The following SMIM3 variants were observed in gnomAD, a reference collection of about 807,000 sequenced individuals.
The protein encoded by SMIM3 is NGF-induced differentiation clone 67 protein.
A neutral mutation model predicts 2.1 loss-of-function variants in SMIM3; 4 were observed. The observed-to-expected ratio is 1.89, with a 90% CI of 0.93 to 4.31. The LOEUF (loss-of-function observed/expected upper bound fraction) is 4.31. Among genes scored for constraint, SMIM3 ranks in the 30% most tolerant of loss-of-function variants. SMIM3 has a pLI of 0.01. For missense variants in SMIM3, 79 were observed against 77.7 expected (o/e 1.02, Z -0.06); for synonymous variants, 29 against 30.8 (o/e 0.94, Z 0.19).
intron 1 of SMIM3, among the ~76,000 whole-genome samples, chr5:150,792,883 G>C (rs1021399009): frequency 6.6e-6 from 1 of 152,100 alleles, no homozygotes; most frequent in African/African-American, 2.4e-5. Context: ...GGCAAGTACT[G>C]GGCAAAAATT....
At chr5:150,783,413 G>A (rs937912759) in intron 1 of SMIM3, among the ~76,000 whole-genome samples, 5 of 152,220 alleles carry the variant, frequency 3.3e-5, no homozygotes, top group African/African-American at 1.2e-4. Flanking sequence ...CATCAGCCTT[G>A]TTCACATTCT....
At chr5:150,793,270 C>T (rs1046943521) in intron 1 of SMIM3, among the ~76,000 whole-genome samples, 3 of 152,078 alleles carry the variant, frequency 2.0e-5, no homozygotes, top group Admixed American at 1.3e-4. Flanking sequence ...AAATTCAACG[C>T]AATCCCCATC....
At chr5:150,787,920 C>G (rs1244041346) in intron 1 of SMIM3, among the ~76,000 whole-genome samples, 1 of 152,058 alleles carries the variant, frequency 6.6e-6, no homozygotes, top group African/African-American at 2.4e-5. Context: ...GAGAGAGTAT[C>G]TTGCAAATAC....
At chr5:150,787,384 C>A (rs953223351) in intron 1 of SMIM3, among the ~76,000 whole-genome samples, 2 of 152,186 alleles carry the variant, frequency 1.3e-5, no homozygotes, top group African/African-American at 4.8e-5. Flanking sequence ...TTACCAGAAT[C>A]GGAAGTCCTG....
chr5:150,784,058 A>C (rs1191687813), intron 1 of SMIM3, among the ~76,000 whole-genome samples: 1 of 151,696 alleles, frequency 6.6e-6, no homozygotes. Context: ...AGCTGGGACT[A>C]CAGGTGTGCA....
intron 1 of SMIM3, among the ~76,000 whole-genome samples, chr5:150,785,369 G>A (rs1478955849): frequency 6.6e-6 from 1 of 151,878 alleles, no homozygotes; most frequent in Admixed American, 6.6e-5. Flanking sequence ...TTACAGGTGT[G>A]AGCCACCGCA....
chr5:150,792,969 G>T (rs1440451325), intron 1 of SMIM3, among the ~76,000 whole-genome samples: 1 of 151,948 alleles, frequency 6.6e-6, no homozygotes. Flanking sequence ...TGTCCAGCAG[G>T]TGCATATATT....
At chr5:150,795,312 C>T (rs1466577889) in intron 1 of SMIM3, 118 bp from the exon 2 acceptor site, 1 of 1,040,528 alleles carries the variant, frequency 9.6e-7, no homozygotes, top group African/African-American at 1.6e-5. Flanking sequence ...AATCAGGGAA[C>T]CTTAAAGTTT....
chr5:150,784,511 C>T (rs1753270346), intron 1 of SMIM3, among the ~76,000 whole-genome samples: 1 of 152,154 alleles, frequency 6.6e-6, no homozygotes, highest in African/African-American at 2.4e-5. Flanking sequence ...TTGTCTATTT[C>T]TCCTTATAAT....
intron 1 of SMIM3, among the ~76,000 whole-genome samples, chr5:150,788,492 A>G (rs1314893018): frequency 6.6e-6 from 1 of 151,962 alleles, no homozygotes. Flanking sequence ...AAAATTAGCC[A>G]GGTGTGGTGG....
chr5:150,781,252 T>C (rs904642643), intron 1 of SMIM3, among the ~76,000 whole-genome samples: 3 of 152,216 alleles, frequency 2.0e-5, no homozygotes, highest in Non-Finnish European at 4.4e-5. Context: ...TGTCACTTAC[T>C]TTCAGGGTGA....
chr5:150,780,326 C>T (rs1753218671), intron 1 of SMIM3, among the ~76,000 whole-genome samples: 1 of 152,118 alleles, frequency 6.6e-6, no homozygotes, highest in Admixed American at 6.5e-5. Context: ...GCACAGCAGC[C>T]ATCTAGACAC....
intron 1 of SMIM3, among the ~76,000 whole-genome samples, chr5:150,779,829 A>ACC (rs5872180): frequency 1.4e-3 from 152 of 110,998 alleles, no homozygotes; most frequent in African/African-American, 1.6e-3. Flanking sequence ...GAAAGGTGTA[A>ACC]CCCCCCCCGC....
intron 1 of SMIM3, among the ~76,000 whole-genome samples, chr5:150,794,562 C>G (rs530712705): frequency 1.3e-5 from 2 of 152,312 alleles, no homozygotes; most frequent in South Asian, 4.1e-4. Context: ...TGATGTAACT[C>G]AGGAATGGAA....
chr5:150,793,463 T>G (rs1314739254), intron 1 of SMIM3, among the ~76,000 whole-genome samples: 2 of 152,068 alleles, frequency 1.3e-5, no homozygotes, highest in Non-Finnish European at 2.9e-5. Context: ...GGTACTGGTA[T>G]AAAAATAGGC....
intron 1 of SMIM3, among the ~76,000 whole-genome samples, chr5:150,794,349 C>T (rs780078129): frequency 4.6e-5 from 7 of 151,912 alleles, no homozygotes; most frequent in Non-Finnish European, 7.4e-5. Flanking sequence ...AGTCATTATT[C>T]GAAAAAATAC....
intron 1 of SMIM3, among the ~76,000 whole-genome samples, chr5:150,793,862 A>G (rs1753375062): frequency 6.6e-6 from 1 of 152,244 alleles, no homozygotes; most frequent in African/African-American, 2.4e-5. Context: ...GGCAAAAGGA[A>G]CAGTCGGCAG....
At chr5:150,794,779 C>G (rs536532218) in intron 1 of SMIM3, among the ~76,000 whole-genome samples, 1 of 152,180 alleles carries the variant, frequency 6.6e-6, no homozygotes, top group East Asian at 1.9e-4. Context: ...AAATAAATAC[C>G]GAGCAGTTCC....
In SMIM3 at chr5:150,795,451, T is replaced by C. The variant is rs746561064; in HGVS notation, c.11T>C (p.Val4Ala). 1 of 1,613,988 alleles carries C rather than the reference T, an allele frequency of 6.2e-7. No individual in the cohort carries two copies. The highest frequency in any genetic ancestry group is 1.1e-5 in the South Asian group (1 of 91,088). The change falls in exon 2 of 2, where the codon GTC becomes GCC. Residue 4 changes from valine to alanine, a missense_variant. Val to Ala is a moderately conservative substitution (Grantham distance 64). Transcript: ENST00000526627. ...GCAGAGTGAAGCAACATGGATGCAG[T>C]CAGCCAAGTCCCCATGGAAGTCGTG... MDAVSQVPMEVVLP... is the reference protein window; with the variant it reads MDAASQVPMEVVLP...
Sources: gnomAD v4.1 joint callset for allele counts (sites outside exome capture counted in the v4.1 genomes callset) on GRCh38, gnomAD v4.1.1 for gene constraint, MANE v1.5 for transcripts, NCBI Gene and HGNC (gene_info 2026-07-23, HGNC 2026-07-21) for gene names.